Variants in SCLT1 observed in about 807,000 individuals in gnomAD.
SCLT1 encodes sodium channel-associated protein 1.
Under a neutral mutation model 112.8 loss-of-function variants are expected in SCLT1, and 78 were observed. The ratio of observed to expected loss-of-function variants is 0.69; its 90% CI spans 0.58 to 0.83. The LOEUF (loss-of-function observed/expected upper bound fraction) is 0.83. Among genes scored for constraint, SCLT1 ranks in the 40% least tolerant of loss-of-function variants. SCLT1 has a pLI of 0.00. For missense variants in SCLT1, 747 were observed against 770.4 expected, an observed-to-expected ratio of 0.97 and a Z score of 0.36; for synonymous variants, 257 against 254.7, an observed-to-expected ratio of 1.01 and a Z score of -0.09.
In SCLT1 at chr4:128,943,428, GA is replaced by G. The variant is rs563526037; in HGVS notation, c.1440-241del. On this transcript the variant is annotated intron_variant, in intron 16 of 20. Transcript: ENST00000281142. ...GAATTGAACTGTTATCACTTATCTA[GA>G]AAATCAATGTGAGACTTCTTTCAAA... 1.8e-4 allele frequency among the ~76,000 whole-genome samples: 28 copies of G among 152,154 alleles called. No individual in the cohort carries two copies. In the South Asian group the frequency reaches 5.8e-3, roughly 32 times the overall value.
At chr4:129,021,237 G>A (rs1290935457) in intron 5 of SCLT1, among the ~76,000 whole-genome samples, 1 of 152,192 alleles carries the variant, frequency 6.6e-6, no homozygotes, top group African/African-American at 2.4e-5. Context: ...CTGTAGATCA[G>A]GAGATTCCCC....
intron 14 of SCLT1, among the ~76,000 whole-genome samples, chr4:128,948,824 A>C (rs1416274533): frequency 1.3e-5 from 2 of 152,180 alleles, no homozygotes; most frequent in African/African-American, 2.4e-5. Flanking sequence ...AGGGAGAAAA[A>C]AATAAATAGA....
intron 5 of SCLT1, among the ~76,000 whole-genome samples, chr4:129,030,886 T>G (rs1375777289): frequency 2.0e-5 from 3 of 151,932 alleles, no homozygotes. Flanking sequence ...AATATTCTGT[T>G]GATGTGGGGT....
At chr4:128,945,843 G>A (rs1217385160) in intron 16 of SCLT1, among the ~76,000 whole-genome samples, 164 bp downstream of exon 16, 1 of 151,822 alleles carries the variant, frequency 6.6e-6, no homozygotes, top group African/African-American at 2.4e-5. Flanking sequence ...GCAGAAATTC[G>A]CTTTCAGAAA....
chr4:128,990,094 T>C (rs568204119), intron 9 of SCLT1, among the ~76,000 whole-genome samples: 2 of 152,106 alleles, frequency 1.3e-5, no homozygotes, highest in East Asian at 3.9e-4. Flanking sequence ...TCCAAACTTA[T>C]TCTATGAAGT....
intron 5 of SCLT1, among the ~76,000 whole-genome samples, chr4:129,030,280 T>G (rs940245496): frequency 2.0e-5 from 3 of 152,028 alleles, no homozygotes; most frequent in African/African-American, 7.2e-5. Context: ...AAAGACACAA[T>G]GTACCATAAT....
intron 5 of SCLT1, among the ~76,000 whole-genome samples, chr4:129,029,894 T>C (rs1443581968): frequency 1.3e-5 from 2 of 151,698 alleles, no homozygotes; most frequent in Non-Finnish European, 2.9e-5. Flanking sequence ...CTGTCAATAT[T>C]AGATCAATAA....
chr4:128,965,829 C>A (rs1465023116), intron 10 of SCLT1, among the ~76,000 whole-genome samples: 2 of 123,858 alleles, frequency 1.6e-5, no homozygotes, highest in African/African-American at 5.8e-5. Flanking sequence ...GATGCCATAA[C>A]TTTTTTTTTT....
intron 16 of SCLT1, among the ~76,000 whole-genome samples, chr4:128,943,570 C>T (rs571327642): frequency 6.6e-6 from 1 of 152,230 alleles, no homozygotes; most frequent in African/African-American, 2.4e-5. Flanking sequence ...TCAATAAACT[C>T]CATGGACTAA....
Position 128,884,537 on chromosome 4 carries a change from G to A in SCLT1, c.2007C>T (p.Leu669=). The part of the protein sequence containing the change: ...EERAASASQQ[L]SVITVQRRKA... ...TTCTTCTCTGCACTGTAATCACACT[G>A]AGCTGCAATTAAAATAAACAATCGG... is the stretch of plus-strand genomic sequence containing the variant. The change falls in exon 21 of 21, where the codon CTC becomes CTT. Residue 669 remains leucine (L), a splice_region_variant and synonymous_variant. Coordinates refer to ENST00000281142, the MANE Select transcript of SCLT1 (RefSeq NM_144643.4). The A allele has an allele frequency of 6.3e-7, 1 of 1,592,814 alleles. No individual in the cohort carries two copies. Among genetic ancestry groups the A allele is most frequent in the Non-Finnish European group, 8.6e-7 (1 of 1,162,432 alleles).
intron 13 of SCLT1, among the ~76,000 whole-genome samples, chr4:128,955,529 A>G (rs1739148034): frequency 6.6e-6 from 1 of 152,214 alleles, no homozygotes; most frequent in African/African-American, 2.4e-5. Flanking sequence ...GAACAGAAAT[A>G]TGTGACAATT....
In SCLT1 at chr4:129,054,244, G is replaced by A. The variant is rs1025401192; in HGVS notation, c.103-10193C>T. Among the ~76,000 whole-genome samples, 75 of 152,006 alleles carry A rather than the reference G, an allele frequency of 4.9e-4. 2 individuals are homozygous for A. The highest frequency in any genetic ancestry group is 7.9e-4 in the Admixed American group (12 of 15,244). ...TATGTGTCTTGGGGTTGCTTTTCTC[G>A]AGGAGTATCTTTGTGGTGTTCTCTG... On this transcript the variant is annotated intron_variant, in intron 2 of 20. Coordinates refer to ENST00000281142, the MANE Select transcript of SCLT1 (RefSeq NM_144643.4).
Position 129,011,583 on chromosome 4 carries a change from AT to A in SCLT1, c.291-7708del, listed in dbSNP as rs34708944. 4.7e-5 allele frequency among the ~76,000 whole-genome samples: 7 copies of A among 149,506 alleles called. No homozygotes were observed. The South Asian group carries it at 6.3e-4, about 13-fold the overall frequency. ...TCTTTTTGCTTAGGAATACCTAAGCATTTTTTTTTTGGAATAGTTTCAGTAG... is the reference window on the plus strand; with the variant it reads ...TCTTTTTGCTTAGGAATACCTAAGCATTTTTTTTTGGAATAGTTTCAGTAG... On this transcript the variant is annotated intron_variant, in intron 5 of 20. Transcript: ENST00000281142.
intron 4 of SCLT1, chr4:129,040,086 T>C: frequency 1.5e-6 from 1 of 677,024 alleles, no homozygotes; most frequent in Non-Finnish European, 2.7e-6. Flanking sequence ...AACAGGCAGT[T>C]CTGCCAGCCT....
At chr4:128,903,340 CAGA>C (rs1489151488) in intron 18 of SCLT1, among the ~76,000 whole-genome samples, 6 of 151,626 alleles carry the variant, frequency 4.0e-5, no homozygotes, top group African/African-American at 1.5e-4. Context: ...ATAATCTTAT[CAGA>C]ACACTATTAT....
chr4:128,983,418 TGAATAAATACTGAGTAGGTTCACAA>T (rs1420486499), intron 9 of SCLT1, among the ~76,000 whole-genome samples: 1 of 152,116 alleles, frequency 6.6e-6, no homozygotes, highest in Admixed American at 6.5e-5. Context: ...TCAGTTTAAA[TGAATAAATACTGAGTAGGTTCACAA>T]GAATAAAAAA....
intron 2 of SCLT1, among the ~76,000 whole-genome samples, chr4:129,067,829 CTT>C (rs568059639): frequency 7.7e-5 from 11 of 142,084 alleles, no homozygotes; most frequent in African/African-American, 1.3e-4. Flanking sequence ...AATATTTTAA[CTT>C]TTTTTTTTTT....
intron 5 of SCLT1, among the ~76,000 whole-genome samples, chr4:129,020,955 T>G (rs899822370): frequency 9.9e-5 from 15 of 152,110 alleles, no homozygotes; most frequent in African/African-American, 3.6e-4. Flanking sequence ...ATAAATAATT[T>G]CAGGTAGTAA....
In SCLT1 at chr4:128,999,775, T is replaced by C. The variant is rs763028027; in HGVS notation, c.446A>G (p.Glu149Gly). ...LANQEKTQAV[E>G]LWQTVSQELD... Reference sequence around the variant, plus strand: ...CTCCTGAGAAACAGTCTGCCAGAGTTCCACAGCCTGAGTTTTTTCCTATTA... The same window carrying C: ...CTCCTGAGAAACAGTCTGCCAGAGTCCCACAGCCTGAGTTTTTTCCTATTA... Residue 149 changes from glutamate to glycine, a missense_variant, in exon 7 of 21, where the codon GAA (glutamate) becomes GGA (glycine). Transcript: ENST00000281142. 1 of 1,600,192 alleles carries C rather than the reference T, an allele frequency of 6.2e-7. No individual in the cohort carries two copies. Among genetic ancestry groups the C allele is most frequent in the South Asian group, 1.1e-5 (1 of 88,832 alleles).
Sources: allele counts gnomAD v4.1 joint callset (sites outside exome capture counted in the v4.1 genomes callset), GRCh38; gene constraint gnomAD v4.1.1; transcripts MANE v1.5; gene names NCBI Gene and HGNC (gene_info 2026-07-23, HGNC 2026-07-21).